The following RCC1 variants were observed in gnomAD, a reference collection of about 807,000 sequenced individuals.
RCC1 encodes the protein regulator of chromosome condensation 1.
In RCC1, 11 loss-of-function variants were observed where a neutral mutation model predicts 44.4. That is an observed-to-expected ratio of 0.25 (90% CI 0.16 to 0.41). The LOEUF is 0.41. Among genes scored for constraint, RCC1 ranks in the 10% least tolerant of loss-of-function variants. The pLI, the probability that RCC1 is intolerant of heterozygous loss-of-function variation, is 1.00. For missense variants in RCC1, 386 were observed against 547.1 expected, an observed-to-expected ratio of 0.71 and a Z score of 2.94; for synonymous variants, 213 against 216.5, an observed-to-expected ratio of 0.98 and a Z score of 0.14.
At position 28,536,863 on chromosome 1, in the gene RCC1, T is replaced by A; in HGVS notation, c.1054T>A (p.Cys352Ser). The change falls in exon 12 of 13, where the codon TGT becomes AGT. Residue 352 changes from cysteine (C) to serine (S), a missense_variant. Transcript: ENST00000683442. The surrounding 1 kb of genome is among the most constrained non-coding windows in gnomAD (Gnocchi z 4.9). ...GCTGCCTGCTGTCTCCTCGGTGGCT[T>A]GTGGGGCCTCTGTGGGGTATGCTGT... is the stretch of plus-strand genomic sequence containing the variant. ...SRLPAVSSVA[C>S]GASVGYAVTK... 1.2e-6 allele frequency: 2 copies of A among 1,614,074 alleles called. No individual in the cohort carries two copies. Among genetic ancestry groups the A allele is most frequent in the Middle Eastern group, 1.7e-4 (1 of 6,058 alleles).
intron 4 of RCC1, among the ~76,000 whole-genome samples, chr1:28,523,669 T>A (rs551288508): frequency 6.6e-6 from 1 of 152,274 alleles, no homozygotes; most frequent in Non-Finnish European, 1.5e-5. Flanking sequence ...ACATAATTGT[T>A]TCCTGCTTTT....
At chr1:28,530,509 T>C in intron 5 of RCC1, 1 of 1,597,146 alleles carries the variant, frequency 6.3e-7, no homozygotes, top group Non-Finnish European at 8.5e-7. Flanking sequence ...TCAGACAGTG[T>C]CTGTCTTTTG....
chr1:28,519,307 G>A (rs952879633), intron 4 of RCC1, among the ~76,000 whole-genome samples: 3 of 152,156 alleles, frequency 2.0e-5, no homozygotes, highest in East Asian at 3.9e-4. Context: ...GTCACGAAGC[G>A]TCTTGTGTGC....
chr1:28,526,427 C>T, intron 4 of RCC1: 2 of 470,118 alleles, frequency 4.3e-6, no homozygotes. Context: ...TTAAATCTGA[C>T]AAGGGTGCGA....
chr1:28,531,708 G>A, intron 5 of RCC1, 95 bp from the exon 6 acceptor site: 1 of 1,005,118 alleles, frequency 9.9e-7, no homozygotes, highest in Non-Finnish European at 1.4e-6. Flanking sequence ...GGCAGAGCAG[G>A]GGCTTCTGCA....
chr1:28,511,389 A>ATTTTTTG (rs911150529), intron 3 of RCC1, among the ~76,000 whole-genome samples: 1 of 146,890 alleles, frequency 6.8e-6, no homozygotes, highest in East Asian at 1.9e-4. Flanking sequence ...ACAGTATCCA[A>ATTTTTTG]TTTTTTGTTT....
In RCC1 at chr1:28,535,136, G is replaced by C; in HGVS notation, c.528G>C (p.Lys176Asn). The C allele has an allele frequency of 6.2e-7, 1 of 1,614,150 alleles. No individual in the cohort carries two copies. Among genetic ancestry groups the C allele is most frequent in the Non-Finnish European group, 8.5e-7 (1 of 1,179,970 alleles). The change falls in exon 8 of 13, where the codon AAG becomes AAC. Residue 176 changes from lysine to asparagine, a missense_variant. Physicochemically the swap from Lys to Asn is moderately conservative, Grantham distance 94. Transcript: ENST00000683442. ...VQVQLDVPVVKVASGNDHLVM... is the reference protein window; with the variant it reads ...VQVQLDVPVVNVASGNDHLVM... ...TGCAGCTGGATGTGCCTGTGGTAAA[G>C]GTGGCCTCAGGTGGGTCTGGGGGCA... is the stretch of plus-strand genomic sequence containing the variant.
chr1:28,515,342 C>T (rs1282609908), intron 3 of RCC1, among the ~76,000 whole-genome samples: 1 of 151,694 alleles, frequency 6.6e-6, no homozygotes, highest in Non-Finnish European at 1.5e-5. Flanking sequence ...CCCAGCTACT[C>T]GGGAGGCTGA....
intron 4 of RCC1, among the ~76,000 whole-genome samples, chr1:28,525,468 T>A (rs1478715791): frequency 6.6e-6 from 1 of 152,182 alleles, no homozygotes; most frequent in Non-Finnish European, 1.5e-5. Flanking sequence ...TTGCATCCCC[T>A]TTTATAGATG....
At chr1:28,508,370 A>G (rs1662202118) in intron 2 of RCC1, 1 of 354,146 alleles carries the variant, frequency 2.8e-6, no homozygotes, top group Non-Finnish European at 5.6e-6. Flanking sequence ...TTCTGTAAAA[A>G]TTGCTTTTTT....
At chr1:28,526,534 T>C in intron 4 of RCC1, 1 of 574,388 alleles carries the variant, frequency 1.7e-6, no homozygotes, top group South Asian at 2.0e-5. Context: ...ACTTCAAAGT[T>C]CACATCGTGA....
intron 4 of RCC1, among the ~76,000 whole-genome samples, chr1:28,524,745 C>A (rs1663536300): frequency 6.6e-6 from 1 of 152,012 alleles, no homozygotes; most frequent in Non-Finnish European, 1.5e-5. Flanking sequence ...GTAGTCCCAG[C>A]TATCCAGGAT....
At position 28,536,185 on chromosome 1, in the gene RCC1, G is replaced by C; in HGVS notation, c.818-77G>C. ...AATGTCCATATCCTGATGGGAGGTG[G>C]CCTCACTGTGGGAGGAGATTGAGAA... On this transcript the variant is annotated intron_variant, in intron 10 of 12. Coordinates refer to ENST00000683442, the MANE Select transcript of RCC1 (RefSeq NM_001381865.2). The surrounding 1 kb of genome is among the most constrained non-coding windows in gnomAD (Gnocchi z 4.9). 1.3e-6 allele frequency: 2 copies of C among 1,574,512 alleles called. No homozygotes were observed. Among genetic ancestry groups the C allele is most frequent in the South Asian group, 2.4e-5 (2 of 84,312 alleles).
Position 28,526,829 on chromosome 1 carries a change from G to A in RCC1, c.-9-3029G>A, listed in dbSNP as rs1364264043. On this transcript the variant is annotated intron_variant, in intron 4 of 12. Coordinates refer to ENST00000683442, the MANE Select transcript of RCC1 (RefSeq NM_001381865.2). ...GAGAATTGGCTTGAACCCAGGAGGG[G>A]GAGGTTGCAGTGAGCCGAGATCGTG... is the stretch of plus-strand genomic sequence containing the variant. The A allele has an allele frequency of 1.0e-5, 6 of 594,598 alleles. No homozygotes were observed. The African/African-American group carries it at 1.1e-4, about 11-fold the overall frequency. The allele number at this position is 594,598 out of a possible 1,614,324, so 36.8% of individuals were successfully genotyped here. A position where few individuals can be genotyped will look rare whatever the true frequency, so the allele number is the denominator to read the frequency against.
chr1:28,514,444 C>T (rs1488998235), intron 3 of RCC1, among the ~76,000 whole-genome samples: 10 of 136,350 alleles, frequency 7.3e-5, no homozygotes, highest in Admixed American at 1.5e-4. Context: ...AGCGAGACTC[C>T]GTCTCAAAAA....
At chr1:28,523,027 C>CTT (rs775851239) in intron 4 of RCC1, among the ~76,000 whole-genome samples, 1,156 of 90,968 alleles carry the variant, frequency 0.013, 25 homozygotes, top group African/African-American at 0.021. Flanking sequence ...GAAGAAATTT[C>CTT]TTTTTTTTTT....
chr1:28,512,997 TCTC>T (rs1662654837), intron 3 of RCC1, among the ~76,000 whole-genome samples: 1 of 151,574 alleles, frequency 6.6e-6, no homozygotes, highest in African/African-American at 2.4e-5. Flanking sequence ...ATGGTCTCAA[TCTC>T]CTGACCTTGT....
chr1:28,519,109 G>A (rs1040478337), intron 4 of RCC1, among the ~76,000 whole-genome samples: 1 of 152,232 alleles, frequency 6.6e-6, no homozygotes, highest in Non-Finnish European at 1.5e-5. Context: ...TCCAGGTGAA[G>A]TGACTCTTGA....
At position 28,508,868 on chromosome 1, in the gene RCC1, A is replaced by G. The variant is rs571352126; in HGVS notation, c.-190A>G. The G allele has an allele frequency of 5.8e-6, 3 of 517,364 alleles. No homozygotes were observed. Among genetic ancestry groups the G allele is most frequent in the Non-Finnish European group, 1.2e-5 (3 of 259,452 alleles). The allele number at this position is 517,364 out of a possible 1,614,324, so 32.0% of individuals were successfully genotyped here. ...CTGCACTTCGCATTTTGGCATTGAC[A>G]TTTAATTTTAGGGTCCTTTATATAG... On this transcript the variant is annotated 5_prime_UTR_variant, in exon 3 of 13. Transcript: ENST00000683442.
Sources: allele counts gnomAD v4.1 joint callset (sites outside exome capture counted in the v4.1 genomes callset), GRCh38; gene constraint gnomAD v4.1.1; non-coding constraint Gnocchi (gnomAD v3.1); transcripts MANE v1.5; gene names NCBI Gene and HGNC (gene_info 2026-07-23, HGNC 2026-07-21).